The following SEC23B variants were observed in gnomAD, a reference collection of about 807,000 sequenced individuals.
SEC23B encodes SEC23 homolog B, COPII component.
A neutral mutation model predicts 104.3 loss-of-function variants in SEC23B; 77 were observed. The ratio of observed to expected loss-of-function variants is 0.74; its 90% CI spans 0.61 to 0.89. The LOEUF (loss-of-function observed/expected upper bound fraction) is 0.89. Among genes scored for constraint, SEC23B ranks in the 40% least tolerant of loss-of-function variants. The pLI, the probability that SEC23B is intolerant of heterozygous loss-of-function variation, is 0.00. For missense variants in SEC23B, 885 were observed against 949.4 expected (o/e 0.93, Z 0.89); for synonymous variants, 338 against 332.5 (o/e 1.02, Z -0.18).
rs2148898265 is a variant in SEC23B at position 18,524,756 on chromosome 20, C to T, written c.603+87C>T. ...TCTTTAAAAGAGCCTGTAGCCCAGG[C>T]TGGAGTTCAGTGGTGTGATCATTGC... On this transcript the variant is annotated intron_variant, in intron 5 of 19. Coordinates refer to ENST00000650089, the MANE Select transcript of SEC23B (RefSeq NM_006363.6). 4.7e-6 allele frequency: 6 copies of T among 1,287,998 alleles called. No individual in the cohort carries two copies. The South Asian group carries it at 6.0e-5, about 13-fold the overall frequency. 79.8% of individuals were successfully genotyped at this position (1,287,998 alleles called of 1,614,324 possible). A position where few individuals can be genotyped will look rare whatever the true frequency, so the allele number is the denominator to read the frequency against.
At chr20:18,548,376 T>G (rs1038573175) in intron 15 of SEC23B, among the ~76,000 whole-genome samples, 2 of 152,266 alleles carry the variant, frequency 1.3e-5, no homozygotes, top group Admixed American at 1.3e-4. Flanking sequence ...ATTGAGCAAC[T>G]GATGTCTAGA....
chr20:18,525,717 T>C, intron 6 of SEC23B, 71 bp from the exon 7 acceptor site: 1 of 1,504,108 alleles, frequency 6.6e-7, no homozygotes, highest in African/African-American at 1.4e-5. Context: ...GCAGTAATTA[T>C]GTGGCACCTA....
rs369406593 is a variant in SEC23B at position 18,548,540 on chromosome 20, A to G, written c.1744-69A>G. ...CTCCTATTTCAGAGCCCTGAGGTAG[A>G]TCTACTCTGTGGGTGTCTAAGAAGG... On this transcript the variant is annotated intron_variant, in intron 15 of 19. Coordinates refer to ENST00000650089, the MANE Select transcript of SEC23B (RefSeq NM_006363.6). 9.4e-5 allele frequency: 140 copies of G among 1,490,438 alleles called. No homozygotes were observed. The South Asian group carries it at 1.4e-3, about 15-fold the overall frequency. 92.3% of individuals were successfully genotyped at this position (1,490,438 alleles called of 1,614,324 possible).
intron 16 of SEC23B, among the ~76,000 whole-genome samples, chr20:18,549,980 T>G (rs2060371140): frequency 6.9e-6 from 1 of 144,868 alleles, no homozygotes; most frequent in Non-Finnish European, 1.5e-5. Context: ...TCTCAAAAAA[T>G]AAAAATAAAA....
At position 18,543,085 on chromosome 20, in the gene SEC23B, G is replaced by A. The variant is rs751520385; in HGVS notation, c.1578G>A (p.Val526=). 2 of 1,614,090 alleles carry A rather than the reference G, an allele frequency of 1.2e-6. No individual in the cohort carries two copies. Among genetic ancestry groups the A allele is most frequent in the Non-Finnish European group, 1.7e-6 (2 of 1,180,042 alleles). Residue 526 remains valine (V), a synonymous_variant, in exon 14 of 20, where the codon GTG becomes GTA. Coordinates refer to ENST00000650089, the MANE Select transcript of SEC23B (RefSeq NM_006363.6). ...CATTTGACCAGGAGGCTGCGGCAGT[G>A]TTGATGGCACGGCTTGGGGTGTTCC... ...EAAFDQEAAA[V]LMARLGVFRA...
chr20:18,529,502 C>G (rs909974506), intron 9 of SEC23B, among the ~76,000 whole-genome samples: 7 of 152,194 alleles, frequency 4.6e-5, no homozygotes, highest in Non-Finnish European at 8.8e-5. Flanking sequence ...TGGCGGTAGG[C>G]AGTCCGGGGC....
chr20:18,535,368 C>A (rs1005844642), intron 11 of SEC23B, among the ~76,000 whole-genome samples: 1 of 151,682 alleles, frequency 6.6e-6, no homozygotes, highest in Non-Finnish European at 1.5e-5. Context: ...GAGTGAGAGA[C>A]CATCTCAAAA....
In SEC23B at chr20:18,530,930, A is replaced by G. The variant is rs181359793; in HGVS notation, c.1233+127A>G. ...GTGCTGGGATTATGAGGCATGAGCCACTGTACCTGGCCATACTTTTAAAAC... is the reference window on the plus strand; with the variant it reads ...GTGCTGGGATTATGAGGCATGAGCCGCTGTACCTGGCCATACTTTTAAAAC... On this transcript the variant is annotated intron_variant, in intron 10 of 19. Coordinates refer to ENST00000650089, the MANE Select transcript of SEC23B (RefSeq NM_006363.6). The G allele has an allele frequency of 1.3e-4, 90 of 701,034 alleles. 1 individual carries two copies. The Admixed American group carries it at 2.3e-3, about 18-fold the overall frequency. 43.4% of individuals were successfully genotyped at this position (701,034 alleles called of 1,614,324 possible).
intron 12 of SEC23B, 80 bp downstream of exon 12, chr20:18,535,822 C>T (rs1458936057): frequency 1.8e-6 from 2 of 1,083,182 alleles, no homozygotes; most frequent in South Asian, 2.6e-5. Context: ...TCTCTGGTTA[C>T]TTTCTTCACA....
intron 12 of SEC23B, among the ~76,000 whole-genome samples, chr20:18,538,158 G>C (rs978116154): frequency 5.9e-5 from 9 of 151,796 alleles, no homozygotes; most frequent in Non-Finnish European, 8.8e-5. Context: ...TGGCCAGGCT[G>C]GTCTTGAACT....
At position 18,560,744 on chromosome 20, in the gene SEC23B, G is replaced by A; in HGVS notation, c.*4G>A. On this transcript the variant is annotated 3_prime_UTR_variant, in exon 20 of 20. Coordinates refer to ENST00000650089, the MANE Select transcript of SEC23B (RefSeq NM_006363.6). ...GGCTGTCTCCAGTGCCTGTTAAGCT[G>A]AGGATACAACCAGGAAATGCAACGG... is the stretch of plus-strand genomic sequence containing the variant. The A allele has an allele frequency of 6.2e-7, 1 of 1,608,980 alleles. No individual in the cohort carries two copies. The highest frequency in any genetic ancestry group is 8.5e-7 in the Non-Finnish European group (1 of 1,175,456).
rs149773941 is a variant in SEC23B, at chr20:18,552,268, A to G, written c.1992+1093A>G. Among the ~76,000 whole-genome samples, 466 of 152,160 alleles carry G rather than the reference A, an allele frequency of 3.1e-3. 3 individuals are homozygous for G. Among genetic ancestry groups the G allele is most frequent in the African/African-American group, 0.011 (449 of 41,520 alleles). ...ACTTAGGAAGTGTTAGTTTTCTAAT[A>G]CTCCTAAGTATTTTATAACTTTAAA... On this transcript the variant is annotated intron_variant, in intron 17 of 19. Transcript: ENST00000650089.
intron 6 of SEC23B, among the ~76,000 whole-genome samples, chr20:18,525,279 T>C (rs1252975177): frequency 6.6e-6 from 1 of 152,240 alleles, no homozygotes; most frequent in African/African-American, 2.4e-5. Flanking sequence ...ACTTCTTTCA[T>C]GTGTCCTCAA....
intron 5 of SEC23B, 122 bp from the exon 6 acceptor site, chr20:18,524,813 C>T: frequency 8.0e-7 from 1 of 1,245,130 alleles, no homozygotes; most frequent in South Asian, 1.2e-5. Context: ...CCACCTCAGC[C>T]TCATGAGTAG....
intron 15 of SEC23B, 64 bp downstream of exon 15, chr20:18,546,097 T>A: frequency 1.0e-6 from 1 of 970,466 alleles, no homozygotes; most frequent in East Asian, 2.4e-5. Flanking sequence ...TTAACTTTAT[T>A]CTTAGGGTAA....
intron 4 of SEC23B, among the ~76,000 whole-genome samples, chr20:18,516,873 G>T (rs116883772): frequency 0.04 from 6,027 of 151,464 alleles, 190 homozygotes; most frequent in South Asian, 0.098. Context: ...GCTCTTTATT[G>T]TCCTTTGAGA....
chr20:18,507,935 T>G (rs191103191), upstream of SEC23B: 952 of 152,718 alleles, frequency 6.2e-3, 13 homozygotes, highest in African/African-American at 0.022. Flanking sequence ...AGCCGGAGCC[T>G]GCTTGTTGCA....
At chr20:18,519,670 G>A (rs1023852804) in intron 4 of SEC23B, among the ~76,000 whole-genome samples, 4 of 152,174 alleles carry the variant, frequency 2.6e-5, no homozygotes, top group East Asian at 1.9e-4. Context: ...TTCAAGGAAC[G>A]GAAAGAGGAG....
rs2060221930 is a variant in SEC23B, at chr20:18,535,556, AAGT to A, written c.1315-94_1315-92del. On this transcript the variant is annotated intron_variant, in intron 11 of 19. Transcript: ENST00000650089. ...ATGTTCTCCTAAAAGAAGATACTCTAAGTAGCCTGCCCTACTCAGTCAGTACTT... is the reference window on the plus strand; with the variant it reads ...ATGTTCTCCTAAAAGAAGATACTCTAAGCCTGCCCTACTCAGTCAGTACTT... The A allele has an allele frequency of 5.8e-6, 5 of 863,716 alleles. No individual in the cohort carries two copies. In the Admixed American group the frequency reaches 9.9e-5, roughly 17 times the overall value. The allele number at this position is 863,716 out of a possible 1,614,324, so 53.5% of individuals were successfully genotyped here. A position where few individuals can be genotyped will look rare whatever the true frequency, so the allele number is the denominator to read the frequency against.
Sources: allele counts gnomAD v4.1 joint callset (sites outside exome capture counted in the v4.1 genomes callset), GRCh38; gene constraint gnomAD v4.1.1; transcripts MANE v1.5; gene names NCBI Gene and HGNC (gene_info 2026-07-23, HGNC 2026-07-21).